ACAT1: variants seen among roughly 807,000 people sequenced by gnomAD.
ACAT1 encodes acetyl-CoA acetyltransferase, mitochondrial.
Under a neutral mutation model 47.3 loss-of-function variants are expected in ACAT1, and 28 were observed. That is an observed-to-expected ratio of 0.59 (90% CI 0.44 to 0.81). The LOEUF is 0.81. Among genes scored for constraint, ACAT1 ranks in the 30% least tolerant of loss-of-function variants. The pLI, the probability that ACAT1 is intolerant of heterozygous loss-of-function variation, is 0.00. For synonymous variants in ACAT1, 181 were observed against 173.6 expected (o/e 1.04, Z -0.34); for missense variants, 469 against 524.3 (o/e 0.89, Z 1.03).
In ACAT1 at chr11:108,135,429, G is replaced by C. The variant is rs11607588; in HGVS notation, c.435+187G>C. On this transcript the variant is annotated intron_variant, in intron 5 of 11. Coordinates refer to ENST00000265838, the MANE Select transcript of ACAT1 (RefSeq NM_000019.4). ...AAGTATGGTCAAAATGATAGCGTAG[G>C]CTGGGTATCATGTCTGTAAGCACTT... Among the ~76,000 whole-genome samples the C allele has an allele frequency of 0.071, 10,803 of 152,174 alleles. 464 individuals carry two copies. The highest frequency in any genetic ancestry group is 0.095 in the Admixed American group (1,454 of 15,270).
chr11:108,140,647 C>G lies in ACAT1; in HGVS notation c.730+432C>G, dbSNP rs575211047. Among the ~76,000 whole-genome samples, 3 of 152,310 alleles carry G rather than the reference C, an allele frequency of 2.0e-5. No homozygotes were observed. The South Asian group carries it at 6.2e-4, about 32-fold the overall frequency. On this transcript the variant is annotated intron_variant, in intron 7 of 11. Coordinates refer to ENST00000265838, the MANE Select transcript of ACAT1 (RefSeq NM_000019.4). ...CCTGCAGGCTTTTGTGCTTTATTCT[C>G]TCAGCCTTTCTAAAGTTGCTGCCTC...
chr11:108,127,401 G>A (rs180908799), intron 1 of ACAT1, among the ~76,000 whole-genome samples: 280 of 151,892 alleles, frequency 1.8e-3, no homozygotes, highest in Non-Finnish European at 3.2e-3. Context: ...AATAGCTAGG[G>A]CTACAGGTGC....
upstream of ACAT1, among the ~76,000 whole-genome samples, chr11:108,120,235 G>A (rs939452277): frequency 1.3e-5 from 2 of 152,064 alleles, no homozygotes; most frequent in South Asian, 4.2e-4. Flanking sequence ...GGTGGCTTAT[G>A]CCTATAATAT....
At chr11:108,144,955 G>C (rs897596361) in intron 10 of ACAT1, among the ~76,000 whole-genome samples, 3 of 152,294 alleles carry the variant, frequency 2.0e-5, no homozygotes, top group South Asian at 4.2e-4. Context: ...TGTGTTGTTG[G>C]AACAGTGGAA....
In ACAT1 at chr11:108,135,178, A is replaced by C. The variant is rs1037467160; in HGVS notation, c.371A>C (p.Lys124Thr). The change falls in exon 5 of 12, where the codon AAA becomes ACA. Residue 124 changes from lysine (K) to threonine (T), a missense_variant. Lys to Thr is a moderately conservative substitution (Grantham distance 78, BLOSUM62 -1). Transcript: ENST00000265838. Reference sequence around the variant, plus strand: ...TCTACTCCATGTACCACCATAAACAAAGTTTGTGCTTCAGGAATGAAAGCC... The same window carrying C: ...TCTACTCCATGTACCACCATAAACACAGTTTGTGCTTCAGGAATGAAAGCC... ...PISTPCTTIN[K>T]VCASGMKAIM... 5.6e-6 allele frequency: 9 copies of C among 1,613,796 alleles called. No individual in the cohort carries two copies. The highest frequency in any genetic ancestry group is 7.6e-6 in the Non-Finnish European group (9 of 1,179,904).
upstream of ACAT1, among the ~76,000 whole-genome samples, chr11:108,116,795 A>G (rs1030903290): frequency 1.3e-5 from 2 of 152,152 alleles, no homozygotes; most frequent in South Asian, 2.1e-4. Flanking sequence ...AGGATTTCCA[A>G]CAACCACCAC....
chr11:108,125,201 G>A (rs571242026), intron 1 of ACAT1, among the ~76,000 whole-genome samples: 53 of 152,324 alleles, frequency 3.5e-4, no homozygotes, highest in Non-Finnish European at 3.8e-4. Flanking sequence ...GAATGTGCAC[G>A]GGCGTTGTGG....
chr11:108,144,768 G>A (rs1354002557), intron 10 of ACAT1, among the ~76,000 whole-genome samples: 1 of 152,164 alleles, frequency 6.6e-6, no homozygotes, highest in Non-Finnish European at 1.5e-5. Flanking sequence ...CAAGGGGCCA[G>A]TGGAGTGATG....
intron 2 of ACAT1, among the ~76,000 whole-genome samples, 155 bp downstream of exon 2, chr11:108,132,109 T>A (rs2077372132): frequency 6.6e-6 from 1 of 152,226 alleles, no homozygotes; most frequent in South Asian, 2.1e-4. Context: ...TTAAAGTAGA[T>A]GACTATAATA....
In ACAT1 at chr11:108,140,220, A is replaced by C. The variant is rs1218267051; in HGVS notation, c.730+5A>C. The C allele has an allele frequency of 3.1e-6, 5 of 1,614,076 alleles. No homozygotes were observed. The highest frequency in any genetic ancestry group is 8.5e-7 in the Non-Finnish European group (1 of 1,179,974). ...CTGTCACAGTTACAGTAAAAGGTAG[A>C]GATAATGTTCCAAAAAGGATGAATA... is the stretch of plus-strand genomic sequence containing the variant. On this transcript the variant is annotated splice_donor_5th_base_variant and intron_variant, in intron 7 of 11. Coordinates refer to ENST00000265838, the MANE Select transcript of ACAT1 (RefSeq NM_000019.4).
At chr11:108,127,656 A>G (rs1384757091) in intron 1 of ACAT1, among the ~76,000 whole-genome samples, 1 of 152,240 alleles carries the variant, frequency 6.6e-6, no homozygotes, top group East Asian at 1.9e-4. Flanking sequence ...AAGCCCTGGG[A>G]CATTCAGCAC....
At chr11:108,123,240 A>C (rs893541046) in intron 1 of ACAT1, among the ~76,000 whole-genome samples, 9 of 152,188 alleles carry the variant, frequency 5.9e-5, no homozygotes, top group Non-Finnish European at 1.3e-4. Context: ...TCCGTCTTAA[A>C]AAAAAAGATC....
rs562043215 is a variant in ACAT1 at position 108,142,524 on chromosome 11, A to G, written c.914A>G (p.Asn305Ser). ...ACGGCAGATGCAGCGAAGAGGCTCA[A>G]TGTTACACCACTGGCAAGAATAGTA... ...LMTADAAKRL[N>S]VTPLARIVAF... The change falls in exon 9 of 12, where the codon AAT (asparagine) becomes AGT (serine). Residue 305 changes from asparagine (N) to serine (S), a missense_variant. Physicochemically the swap from Asn to Ser is conservative, Grantham distance 46. Transcript: ENST00000265838. The G allele has an allele frequency of 2.4e-5, 39 of 1,614,156 alleles. No individual in the cohort carries two copies. The highest frequency in any genetic ancestry group is 8.9e-5 in the East Asian group (4 of 44,882).
chr11:108,119,396 G>T (rs908804497), upstream of ACAT1, among the ~76,000 whole-genome samples: 7 of 152,068 alleles, frequency 4.6e-5, no homozygotes, highest in African/African-American at 1.7e-4. Flanking sequence ...TAGAGATGGG[G>T]TTTTGCTATG....
In ACAT1 at chr11:108,133,850, C is replaced by G. The variant is rs1247879320; in HGVS notation, c.151C>G (p.Pro51Ala). Residue 51 changes from proline to alanine, a missense_variant, in exon 3 of 12, where the codon CCC (proline) becomes GCC (alanine). Pro to Ala is a conservative substitution (Grantham distance 27). Transcript: ENST00000265838. Reference protein sequence around the residue: ...EVVIVSATRTPIGSFLGSLSL... With the variant: ...EVVIVSATRTAIGSFLGSLSL... ...GGTCATAGTAAGTGCTACAAGAACA[C>G]CCATTGGATCTTTTTTAGGCAGCCT... 4 of 1,614,032 alleles carry G rather than the reference C, an allele frequency of 2.5e-6. No individual in the cohort carries two copies. The highest frequency in any genetic ancestry group is 3.4e-6 in the Non-Finnish European group (4 of 1,180,006).
intron 5 of ACAT1, chr11:108,136,111 T>G (rs1838002354): frequency 2.9e-6 from 2 of 701,382 alleles, no homozygotes; most frequent in Middle Eastern, 2.3e-4. Flanking sequence ...TATGCTGTCA[T>G]GTCAGGAGGT....
At chr11:108,146,160 T>G in intron 10 of ACAT1, 42 bp from the exon 11 acceptor site, 1 of 1,482,538 alleles carries the variant, frequency 6.7e-7, no homozygotes, top group Non-Finnish European at 9.4e-7. Context: ...AAGTTGTGAT[T>G]GCTAATTATT....
chr11:108,139,968 G>A (rs1404404719), intron 6 of ACAT1, 97 bp from the exon 7 acceptor site: 1 of 1,428,210 alleles, frequency 7.0e-7, no homozygotes, highest in Non-Finnish European at 9.6e-7. Flanking sequence ...TATATTTTAA[G>A]AAACGTTAAC....
intron 1 of ACAT1, among the ~76,000 whole-genome samples, chr11:108,123,159 C>A (rs947933116): frequency 6.6e-6 from 1 of 151,908 alleles, no homozygotes; most frequent in African/African-American, 2.4e-5. Context: ...CGCTTGAACC[C>A]GGGAGGAGGG....
Sources: gnomAD v4.1 joint callset for allele counts (sites outside exome capture counted in the v4.1 genomes callset) on GRCh38, gnomAD v4.1.1 for gene constraint, MANE v1.5 for transcripts, NCBI Gene and HGNC (gene_info 2026-07-23, HGNC 2026-07-21) for gene names.